Variants in ERV3-1 observed in about 807,000 individuals in gnomAD.
ERV3-1 encodes the protein endogenous retrovirus group 3 member 1 Env polyprotein.
ERV3-1 carries 36 observed loss-of-function variants against 24.6 expected under a neutral mutation model. The observed-to-expected ratio is 1.47, with a 90% confidence interval of 1.12 to 1.94. The LOEUF is 1.94. ERV3-1 is among the 30% of genes most tolerant of loss of function. The pLI is 0.00. For missense variants in ERV3-1, 578 were observed against 330.9 expected (o/e 1.75, Z -5.79); for synonymous variants, 211 against 122.6 (o/e 1.72, Z -4.76).
intron 1 of ERV3-1, among the ~76,000 whole-genome samples, chr7:64,997,936 G>C (rs1786439829): frequency 1.3e-5 from 2 of 152,160 alleles, no homozygotes; most frequent in South Asian, 2.1e-4. Context: ...CATCATAATA[G>C]ATAGGTCCCC....
Position 65,006,558 on chromosome 7 carries a change from T to C in ERV3-1, c.-406A>G. The stretch of plus-strand genomic sequence containing the variant: ...ACTCTCACCATTTCTAGGCTTCCAG[T>C]GGGTCCTGGCGTCTTAGCTGTGGAT... On this transcript the variant is annotated 5_prime_UTR_variant, in exon 1 of 2. Coordinates refer to ENST00000394323, the MANE Select transcript of ERV3-1 (RefSeq NM_001007253.4). 6 of 1,576,556 alleles carry C rather than the reference T, an allele frequency of 3.8e-6. No homozygotes were observed. Among genetic ancestry groups the C allele is most frequent in the African/African-American group, 1.3e-5 (1 of 74,256 alleles).
At chr7:65,006,461 A>G in intron 1 of ERV3-1, 80 bp downstream of exon 1, 1 of 1,541,600 alleles carries the variant, frequency 6.5e-7, no homozygotes, top group Non-Finnish European at 9.0e-7. Context: ...CGGGGAGGCC[A>G]GAGTCCCGCC....
intron 1 of ERV3-1, among the ~76,000 whole-genome samples, chr7:64,995,952 G>A (rs929007121): frequency 1.3e-4 from 20 of 152,186 alleles, no homozygotes; most frequent in Non-Finnish European, 2.4e-4. Context: ...ACTAGTCCAG[G>A]CGAGCTGTCC....
rs1786660417 is a variant in ERV3-1, at chr7:65,006,687, C to G, written c.-535G>C. On this transcript the variant is annotated 5_prime_UTR_variant, in exon 1 of 2. Coordinates refer to ENST00000394323, the MANE Select transcript of ERV3-1 (RefSeq NM_001007253.4). ...CAGAAGCTCCGGCTGCCGCCAGAGACAAAGGCCCCACCAAACCCGGAAGCC... is the reference window on the plus strand; with the variant it reads ...CAGAAGCTCCGGCTGCCGCCAGAGAGAAAGGCCCCACCAAACCCGGAAGCC... The G allele has an allele frequency of 1.4e-6, 2 of 1,444,006 alleles. No individual in the cohort carries two copies. Among genetic ancestry groups the G allele is most frequent in the Admixed American group, 3.5e-5 (2 of 57,188 alleles). The allele number at this position is 1,444,006 out of a possible 1,614,324, so 89.4% of individuals were successfully genotyped here. A position where few individuals can be genotyped will look rare whatever the true frequency, so the allele number is the denominator to read the frequency against.
chr7:64,991,033 A>G lies in ERV3-1; in HGVS notation c.*179T>C. On this transcript the variant is annotated 3_prime_UTR_variant, in exon 2 of 2. Coordinates refer to ENST00000394323, the MANE Select transcript of ERV3-1 (RefSeq NM_001007253.4). ...GGGTTAATACTTAGTTAGGGCCATT[A>G]GTCGTGTGGTAGTCCGTCTGTCCAC... The G allele has an allele frequency of 3.9e-6, 2 of 507,422 alleles. No individual in the cohort carries two copies. The highest frequency in any genetic ancestry group is 6.0e-5 in the East Asian group (2 of 33,410). 31.4% of individuals were successfully genotyped at this position (507,422 alleles called of 1,614,324 possible). A position where few individuals can be genotyped will look rare whatever the true frequency, so the allele number is the denominator to read the frequency against.
intron 1 of ERV3-1, 119 bp downstream of exon 1, chr7:65,006,422 C>T: frequency 6.8e-7 from 1 of 1,471,848 alleles, no homozygotes; most frequent in Non-Finnish European, 9.5e-7. Flanking sequence ...CCAAGGAGAA[C>T]TCGGGGCCGC....
In ERV3-1 at chr7:64,991,517, C is replaced by T. The variant is rs1268290294; in HGVS notation, c.1510G>A (p.Gly504Arg). ...PATWAEDGMW[G>R]YRTPVYMLNR... Reference sequence around the variant, plus strand: ...AGCATGTAAACTGGGGTGCGGTATCCCCACATTCCATCTTCTGCCCAGGTG... The same window carrying T: ...AGCATGTAAACTGGGGTGCGGTATCTCCACATTCCATCTTCTGCCCAGGTG... Residue 504 changes from glycine (G) to arginine (R), a missense_variant, in exon 2 of 2, where the codon GGA (glycine) becomes AGA (arginine). By Grantham distance (125) the Gly-to-Arg change is moderately radical (BLOSUM62 -2). Transcript: ENST00000394323. 5.7e-6 allele frequency: 4 copies of T among 704,042 alleles called. No homozygotes were observed. Among genetic ancestry groups the T allele is most frequent in the Non-Finnish European group, 7.8e-6 (3 of 384,982 alleles). The allele number at this position is 704,042 out of a possible 1,614,324, so 43.6% of individuals were successfully genotyped here. A position where few individuals can be genotyped will look rare whatever the true frequency, so the allele number is the denominator to read the frequency against.
At chr7:65,005,126 C>A in intron 1 of ERV3-1, 1 of 162,238 alleles carries the variant, frequency 6.2e-6, no homozygotes, top group East Asian at 1.6e-4. Flanking sequence ...CCTTGAGAGG[C>A]TACACTCCAA....
intron 1 of ERV3-1, chr7:65,004,204 T>C (rs1786586483): frequency 6.6e-6 from 1 of 152,038 alleles, no homozygotes; most frequent in Admixed American, 6.6e-5. Context: ...CCACTAAAAA[T>C]ACAAAAAATT....
At chr7:64,995,180 C>A (rs868016397) in intron 1 of ERV3-1, among the ~76,000 whole-genome samples, 3 of 152,212 alleles carry the variant, frequency 2.0e-5, no homozygotes, top group South Asian at 2.1e-4. Flanking sequence ...AAAGTTATAA[C>A]CGCATGTGGT....
At chr7:64,998,184 A>G (rs531236534) in intron 1 of ERV3-1, among the ~76,000 whole-genome samples, 5 of 152,260 alleles carry the variant, frequency 3.3e-5, no homozygotes, top group African/African-American at 1.2e-4. Flanking sequence ...GGTTCCTGCA[A>G]AACTGGTTTT....
chr7:64,996,773 G>A (rs1223146217), intron 1 of ERV3-1, among the ~76,000 whole-genome samples: 1 of 152,178 alleles, frequency 6.6e-6, no homozygotes, highest in African/African-American at 2.4e-5. Context: ...ATGATCTTTG[G>A]ATGATGGCCC....
intron 1 of ERV3-1, among the ~76,000 whole-genome samples, chr7:64,997,907 C>G (rs912156272): frequency 6.6e-6 from 1 of 152,118 alleles, no homozygotes; most frequent in Non-Finnish European, 1.5e-5. Flanking sequence ...GGTTGCCCCC[C>G]CTTGAACCTG....
chr7:64,995,666 C>T (rs1786392229), intron 1 of ERV3-1, among the ~76,000 whole-genome samples: 1 of 152,182 alleles, frequency 6.6e-6, no homozygotes, highest in South Asian at 2.1e-4. Context: ...CATGGCCAAG[C>T]CAGCGTTCCC....
chr7:64,994,591 C>T (rs1379551751), intron 1 of ERV3-1, among the ~76,000 whole-genome samples: 1 of 152,162 alleles, frequency 6.6e-6, no homozygotes, highest in East Asian at 1.9e-4. Context: ...CTCTGGTGTC[C>T]CCTGCAGTGC....
intron 1 of ERV3-1, among the ~76,000 whole-genome samples, chr7:64,995,295 A>G (rs951893420): frequency 6.6e-6 from 1 of 152,230 alleles, no homozygotes; most frequent in African/African-American, 2.4e-5. Context: ...CTAGCACCAC[A>G]GAGTCAACTG....
chr7:64,992,008 A>G lies in ERV3-1; in HGVS notation c.1019T>C (p.Ile340Thr). The G allele has an allele frequency of 1.3e-6, 1 of 766,402 alleles. No homozygotes were observed. Among genetic ancestry groups the G allele is most frequent in the Non-Finnish European group, 2.4e-6 (1 of 417,908 alleles). 47.5% of individuals were successfully genotyped at this position (766,402 alleles called of 1,614,324 possible). The change falls in exon 2 of 2, where the codon ATT (isoleucine) becomes ACT (threonine). Residue 340 changes from isoleucine (I) to threonine (T), a missense_variant. Physicochemically the swap from Ile to Thr is moderately conservative, Grantham distance 89. Coordinates refer to ENST00000394323, the MANE Select transcript of ERV3-1 (RefSeq NM_001007253.4). The stretch of plus-strand genomic sequence containing the variant: ...GCGAGCAATACAGAATTTTCCAATA[A>G]TGGAGGTTTTTAAGAACCAGATGCT... Reference protein sequence around the residue: ...SQSIWFLKTSIIGKFCIARWG... With the variant: ...SQSIWFLKTSTIGKFCIARWG...
intron 1 of ERV3-1, among the ~76,000 whole-genome samples, chr7:65,005,775 G>A (rs770026774): frequency 6.6e-6 from 1 of 152,132 alleles, no homozygotes; most frequent in African/African-American, 2.4e-5. Context: ...TTAAGTGGCA[G>A]GCAATTAGAC....
intron 1 of ERV3-1, among the ~76,000 whole-genome samples, chr7:64,995,838 T>C (rs1786396342): frequency 6.6e-6 from 1 of 152,250 alleles, no homozygotes; most frequent in Non-Finnish European, 1.5e-5. Context: ...GTTGTCTATG[T>C]ACTGCAACAA....
Sources: gnomAD v4.1 joint callset for allele counts (sites outside exome capture counted in the v4.1 genomes callset) on GRCh38, gnomAD v4.1.1 for gene constraint, MANE v1.5 for transcripts, NCBI Gene and HGNC (gene_info 2026-07-23, HGNC 2026-07-21) for gene names.